MBP: variants seen among roughly 807,000 people sequenced by gnomAD.
The protein encoded by MBP is Golli-MBP.
Under a neutral mutation model 35.8 loss-of-function variants are expected in MBP, and 16 were observed. The observed-to-expected ratio is 0.45, with a 90% confidence interval of 0.30 to 0.68. The LOEUF (loss-of-function observed/expected upper bound fraction) is 0.68. MBP is among the 30% of genes least tolerant of loss of function. The probability of loss-of-function intolerance (pLI) is 0.08; values close to 1 mark genes in which losing one functional copy is unlikely to be tolerated. For missense variants in MBP, 380 were observed against 404.7 expected, an observed-to-expected ratio of 0.94 and a Z score of 0.52; for synonymous variants, 143 against 159.6, an observed-to-expected ratio of 0.90 and a Z score of 0.78.
chr18:76,999,200 G>C (rs142591207), intron 4 of MBP, among the ~76,000 whole-genome samples: 2 of 152,064 alleles, frequency 1.3e-5, no homozygotes, highest in East Asian at 1.9e-4. Context: ...GGGCACTTAG[G>C]GGGTGAAGGT....
In MBP at chr18:77,028,833, C is replaced by T. The variant is rs578008271; in HGVS notation, c.140-11565G>A. ...CTCAGACGGGGCGGCCGGGCAGAGA[C>T]GCTCCTCACTTCCCAGATGTGATGG... On this transcript the variant is annotated intron_variant, in intron 3 of 8. Transcript: ENST00000355994. 5.2e-5 allele frequency among the ~76,000 whole-genome samples: 5 copies of T among 96,386 alleles called. 1 individual carries two copies. Among genetic ancestry groups the T allele is most frequent in the South Asian group, 3.3e-4 (1 of 3,034 alleles). The allele number at this position is 96,386 out of a possible 152,430, so 63.2% of individuals were successfully genotyped here. A position where few individuals can be genotyped will look rare whatever the true frequency, so the allele number is the denominator to read the frequency against.
chr18:77,018,435 C>T (rs1971782348), intron 3 of MBP, among the ~76,000 whole-genome samples: 2 of 147,352 alleles, frequency 1.4e-5, no homozygotes, highest in Non-Finnish European at 3.0e-5. Context: ...TCCACTCATG[C>T]ATGCATGCAT....
intron 2 of MBP, among the ~76,000 whole-genome samples, chr18:77,090,791 G>A (rs1975483854): frequency 6.6e-6 from 1 of 152,220 alleles, no homozygotes; most frequent in Non-Finnish European, 1.5e-5. Flanking sequence ...CACTGTGTCT[G>A]CTGTGCTCCC....
rs755325415 is a variant in MBP, at chr18:77,101,320, C to T, written c.51+3891G>A. Among the ~76,000 whole-genome samples the T allele has an allele frequency of 6.2e-4, 95 of 152,342 alleles. 1 individual carries two copies. The highest frequency in any genetic ancestry group is 6.8e-3 in the Middle Eastern group (2 of 294). ...ACAAAATGGGCAGAGTGATAGAAAG[C>T]TGGTAAATTAGTGAGGCAGGACCAT... is the stretch of plus-strand genomic sequence containing the variant. On this transcript the variant is annotated intron_variant, in intron 2 of 8. Coordinates refer to ENST00000355994, the MANE Select transcript of MBP (RefSeq NM_001025101.2). This position sits in a 1 kb window ranked among gnomAD's most constrained non-coding sequence, Gnocchi z 4.3.
chr18:77,108,547 C>G (rs562776415), intron 1 of MBP: 1 of 152,322 alleles, frequency 6.6e-6, no homozygotes, highest in African/African-American at 2.4e-5. Context: ...CGATTTCCAG[C>G]CACTGGGATG....
intron 4 of MBP, among the ~76,000 whole-genome samples, chr18:76,996,412 A>G (rs1349131153): frequency 6.6e-6 from 1 of 152,254 alleles, no homozygotes; most frequent in East Asian, 1.9e-4. Flanking sequence ...TACAATAACC[A>G]GTACATGAAT....
chr18:77,071,236 C>T (rs1410581674), intron 2 of MBP, among the ~76,000 whole-genome samples: 1 of 152,174 alleles, frequency 6.6e-6, no homozygotes, highest in African/African-American at 2.4e-5. Context: ...GGTGTTGAAA[C>T]ATGTTACAAA....
intron 4 of MBP, among the ~76,000 whole-genome samples, chr18:77,008,154 G>A (rs1971107709): frequency 6.6e-6 from 1 of 152,166 alleles, no homozygotes. Flanking sequence ...ACTGGGTGCT[G>A]TGCCACCCTT....
intron 2 of MBP, among the ~76,000 whole-genome samples, chr18:77,104,399 TGAG>T: frequency 6.6e-6 from 1 of 152,128 alleles, no homozygotes; most frequent in East Asian, 1.9e-4. Context: ...GGAGAACTGG[TGAG>T]GAGCCAAGTA....
chr18:77,025,532 G>A (rs748737123), intron 3 of MBP, among the ~76,000 whole-genome samples: 1 of 152,024 alleles, frequency 6.6e-6, no homozygotes, highest in Non-Finnish European at 1.5e-5. Flanking sequence ...CAGTCTGTCC[G>A]AGTGTTACCT....
intron 1 of MBP, among the ~76,000 whole-genome samples, chr18:77,122,961 G>A (rs1381106134): frequency 6.6e-6 from 1 of 152,218 alleles, no homozygotes; most frequent in Admixed American, 6.5e-5. Context: ...TGTATACATG[G>A]CAGGGTATTG....
At chr18:76,998,095 G>T (rs1026151232) in intron 4 of MBP, among the ~76,000 whole-genome samples, 1 of 152,172 alleles carries the variant, frequency 6.6e-6, no homozygotes, top group African/African-American at 2.4e-5. Flanking sequence ...TCGCACTGTT[G>T]TACCAGCATC....
intron 4 of MBP, among the ~76,000 whole-genome samples, chr18:77,010,292 A>G (rs1377575280): frequency 2.0e-5 from 3 of 152,240 alleles, no homozygotes; most frequent in African/African-American, 4.8e-5. Context: ...CAGCTGTGAA[A>G]GATTTCTAGG....
chr18:77,020,320 T>C lies in MBP; in HGVS notation c.140-3052A>G, dbSNP rs920961738. On this transcript the variant is annotated intron_variant, in intron 3 of 8. Coordinates refer to ENST00000355994, the MANE Select transcript of MBP (RefSeq NM_001025101.2). This position sits in a 1 kb window ranked among gnomAD's most constrained non-coding sequence, Gnocchi z 4.1. Reference sequence around the variant, plus strand: ...GTGTAGACAGGGAACCAGCGAACAGTTGAGAATGCATGCCTGCCAAGCGAC... The same window carrying C: ...GTGTAGACAGGGAACCAGCGAACAGCTGAGAATGCATGCCTGCCAAGCGAC... Among the ~76,000 whole-genome samples the C allele has an allele frequency of 2.0e-5, 3 of 151,988 alleles. No individual in the cohort carries two copies. The highest frequency in any genetic ancestry group is 2.9e-5 in the Non-Finnish European group (2 of 67,986).
intron 4 of MBP, chr18:77,015,993 A>G: frequency 1.0e-6 from 1 of 985,432 alleles, no homozygotes; most frequent in Non-Finnish European, 1.2e-6. Flanking sequence ...TTTCTCTCCA[A>G]AATTACACAA....
At position 77,016,857 on chromosome 18, in the gene MBP, C is replaced by T. The variant is rs745602507; in HGVS notation, c.551G>A (p.Gly184Asp). Residue 184 changes from glycine to aspartate, a missense_variant, in exon 4 of 9, where the codon GGT (glycine) becomes GAT (aspartate). Gly to Asp is a moderately conservative substitution (Grantham distance 94). Coordinates refer to ENST00000355994, the MANE Select transcript of MBP (RefSeq NM_001025101.2). ...SIGRFFGGDR[G>D]APKRGSGKDS... ...CTTGCCAGAGCCCCGCTTGGGCGCA[C>T]CCCTGTCACCGCCAAAGAAGCGCCC... The T allele has an allele frequency of 7.4e-6, 12 of 1,614,102 alleles. No homozygotes were observed. The highest frequency in any genetic ancestry group is 1.0e-5 in the Non-Finnish European group (12 of 1,180,060).
intron 7 of MBP, chr18:76,987,673 C>T (rs1018973214): frequency 3.9e-5 from 39 of 990,374 alleles, no homozygotes; most frequent in South Asian, 2.8e-4. Context: ...ATTGCAGTTT[C>T]GGAGACAGAC....
intron 4 of MBP, chr18:77,009,774 G>T: frequency 7.5e-7 from 1 of 1,336,118 alleles, no homozygotes; most frequent in Non-Finnish European, 1.0e-6. Context: ...CCTGCCCCGA[G>T]GGACAGTGGC....
At chr18:77,060,468 T>TTTTTTTTTTTTTTTA (rs11422817) in intron 3 of MBP, among the ~76,000 whole-genome samples, 1 of 132,998 alleles carries the variant, frequency 7.5e-6, no homozygotes, top group African/African-American at 3.4e-5. Context: ...TTTTTTTTTT[T>TTTTTTTTTTTTTTTA]ATGAGGCGGA....
Sources: allele counts gnomAD v4.1 joint callset (sites outside exome capture counted in the v4.1 genomes callset), GRCh38; gene constraint gnomAD v4.1.1; non-coding constraint Gnocchi (gnomAD v3.1); transcripts MANE v1.5; gene names NCBI Gene and HGNC (gene_info 2026-07-23, HGNC 2026-07-21).